The following CCDC28B variants were observed in gnomAD, a reference collection of about 807,000 sequenced individuals.
CCDC28B encodes the protein coiled-coil domain containing 28B.
A neutral mutation model predicts 18.7 loss-of-function variants in CCDC28B; 17 were observed. The ratio of observed to expected loss-of-function variants is 0.91; its 90% CI spans 0.62 to 1.36. CCDC28B has a LOEUF of 1.36. Ranked by LOEUF, CCDC28B falls within the 40% of genes most tolerant of loss-of-function variation. CCDC28B has a pLI of 0.00. For missense variants in CCDC28B, 213 were observed against 251.7 expected (o/e 0.85, Z 1.04); for synonymous variants, 116 against 105.1 (o/e 1.10, Z -0.64).
chr1:32,201,138 G>A (rs1643139572), intron 1 of CCDC28B, among the ~76,000 whole-genome samples: 1 of 152,010 alleles, frequency 6.6e-6, no homozygotes, highest in Non-Finnish European at 1.5e-5. Context: ...GGGGGGCGCT[G>A]CTGGACCGGG....
At chr1:32,201,326 T>C (rs1312653057) in intron 1 of CCDC28B, among the ~76,000 whole-genome samples, 9 of 152,070 alleles carry the variant, frequency 5.9e-5, no homozygotes, top group Non-Finnish European at 1.0e-4. Context: ...ATATTTTCGG[T>C]TGGGGGTGGG....
chr1:32,205,157 G>T lies in CCDC28B; in HGVS notation c.549-37G>T. The T allele has an allele frequency of 6.2e-7, 1 of 1,611,502 alleles. No individual in the cohort carries two copies. The highest frequency in any genetic ancestry group is 8.5e-7 in the Non-Finnish European group (1 of 1,178,454). On this transcript the variant is annotated intron_variant, in intron 5 of 5. Transcript: ENST00000373602. The surrounding 1 kb of genome is among the most constrained non-coding windows in gnomAD (Gnocchi z 5.6). Reference sequence around the variant, plus strand: ...GATGGGAGACCGGGGTGGGAGGAAGGACTGGTCCAAAGCGCCACGATCCTT... The same window carrying T: ...GATGGGAGACCGGGGTGGGAGGAAGTACTGGTCCAAAGCGCCACGATCCTT...
rs776834401 is a variant in CCDC28B, at chr1:32,204,813, T to C, written c.548+193T>C. 42 of 1,576,812 alleles carry C rather than the reference T, an allele frequency of 2.7e-5. No individual in the cohort carries two copies. The Middle Eastern group carries it at 5.0e-4, about 19-fold the overall frequency. On this transcript the variant is annotated intron_variant, in intron 5 of 5. Coordinates refer to ENST00000373602, the MANE Select transcript of CCDC28B (RefSeq NM_024296.5). ...CCCAAAATTAGAAGAAAAGTGGTTG[T>C]AGGGGATGTTTTACTACTGATCAAA...
intron 2 of CCDC28B, chr1:32,202,553 T>G (rs1643169341): frequency 5.7e-6 from 2 of 353,410 alleles, no homozygotes; most frequent in South Asian, 4.3e-5. Context: ...TGCCTTATAA[T>G]GTGTCCATGT....
chr1:32,203,831 C>T (rs373803490), intron 2 of CCDC28B, 48 bp from the exon 3 acceptor site: 2 of 1,437,124 alleles, frequency 1.4e-6, no homozygotes, highest in Non-Finnish European at 1.8e-6. Context: ...TCGGGAGGTG[C>T]CTGACTGCCC....
At chr1:32,202,163 G>C in intron 2 of CCDC28B, 64 bp downstream of exon 2, 1 of 1,595,044 alleles carries the variant, frequency 6.3e-7, no homozygotes, top group South Asian at 1.1e-5. Flanking sequence ...TAGAGAGGAA[G>C]GCAAGGGGGG....
At position 32,203,957 on chromosome 1, in the gene CCDC28B, C is replaced by T; in HGVS notation, c.243C>T (p.Phe81=). 6.3e-7 allele frequency: 1 copy of T among 1,581,374 alleles called. No homozygotes were observed. Among genetic ancestry groups the T allele is most frequent in the Non-Finnish European group, 8.6e-7 (1 of 1,163,880 alleles). ...CAGGCACGCCCCTGCAGCACTCCTT[C>T]CTGACCGAGGTGACTGATGTCTATG... is the stretch of plus-strand genomic sequence containing the variant. ...GSAGTPLQHS[F]LTEVTDVYEM... The change falls in exon 3 of 6, where the codon TTC becomes TTT. Residue 81 remains phenylalanine, a synonymous_variant. Coordinates refer to ENST00000373602, the MANE Select transcript of CCDC28B (RefSeq NM_024296.5).
At chr1:32,201,591 A>G in intron 1 of CCDC28B, 1 of 212,414 alleles carries the variant, frequency 4.7e-6, no homozygotes, top group Non-Finnish European at 9.3e-6. Context: ...GTCTCCCACT[A>G]CATTTCCTCT....
In CCDC28B at chr1:32,204,352, C is replaced by T. The variant is rs145605786; in HGVS notation, c.498C>T (p.Asp166=). 1.9e-5 allele frequency: 31 copies of T among 1,593,570 alleles called. No homozygotes were observed. The highest frequency in any genetic ancestry group is 2.6e-5 in the Non-Finnish European group (30 of 1,169,500). ...AGGAGCAGAAGAAGACAATGGCTGA[C>T]CGTAACCTGGACCAGCTGCTTAGCA... ...LPEEQKKTMA[D]RNLDQLLSNL... Residue 166 remains aspartate (D), a synonymous_variant, in exon 4 of 6, where the codon GAC becomes GAT. Transcript: ENST00000373602.
upstream of CCDC28B, among the ~76,000 whole-genome samples, chr1:32,198,964 C>A (rs1643086809): frequency 6.6e-6 from 1 of 152,194 alleles, no homozygotes; most frequent in Non-Finnish European, 1.5e-5. Context: ...TGGGTCTGAG[C>A]TGTGGGTAGG....
upstream of CCDC28B, among the ~76,000 whole-genome samples, chr1:32,198,586 A>G (rs1347906962): frequency 6.6e-6 from 1 of 152,226 alleles, no homozygotes; most frequent in Non-Finnish European, 1.5e-5. Flanking sequence ...GGGAAAAGGT[A>G]CTTTTAGCTA....
chr1:32,199,500 A>G (rs1643101462), upstream of CCDC28B, among the ~76,000 whole-genome samples: 1 of 152,126 alleles, frequency 6.6e-6, no homozygotes, highest in African/African-American at 2.4e-5. Flanking sequence ...CAGCATTACC[A>G]CTGTCTACTC....
chr1:32,196,620 A>G (rs1004352661), upstream of CCDC28B: 1 of 152,274 alleles, frequency 6.6e-6, no homozygotes, highest in African/African-American at 2.4e-5. Context: ...CAAACTTGCC[A>G]GGGTATTAGC....
Position 32,203,933 on chromosome 1 carries a change from A to C in CCDC28B, c.219A>C (p.Ala73=), listed in dbSNP as rs202075564. Residue 73 remains alanine (A), a synonymous_variant, in exon 3 of 6, where the codon GCA becomes GCC. Coordinates refer to ENST00000373602, the MANE Select transcript of CCDC28B (RefSeq NM_024296.5). The stretch of plus-strand genomic sequence containing the variant: ...TGGCTGGAGGTGGAAGCGGCTCTGC[A>C]GGCACGCCCCTGCAGCACTCCTTCC... The part of the protein sequence containing the change: ...PVLAGGGSGS[A]GTPLQHSFLT... The C allele has an allele frequency of 1.3e-6, 2 of 1,559,350 alleles. No individual in the cohort carries two copies. Among genetic ancestry groups the C allele is most frequent in the East Asian group, 2.3e-5 (1 of 43,802 alleles).
In CCDC28B at chr1:32,200,698, C is replaced by T. The variant is rs1383747491; in HGVS notation, c.-35C>T. ...TTGCACCGAAGCATCACTCGAGACC[C>T]CAAACCTCCAGGTCAGTAGCCCCCT... is the stretch of plus-strand genomic sequence containing the variant. On this transcript the variant is annotated 5_prime_UTR_variant, in exon 1 of 6. Coordinates refer to ENST00000373602, the MANE Select transcript of CCDC28B (RefSeq NM_024296.5). 6.6e-6 allele frequency: 1 copy of T among 152,222 alleles called. No homozygotes were observed. The highest frequency in any genetic ancestry group is 1.5e-5 in the Non-Finnish European group (1 of 68,060). 9.4% of individuals were successfully genotyped at this position (152,222 alleles called of 1,614,324 possible).
upstream of CCDC28B, chr1:32,198,037 C>G (rs1044059265): frequency 6.6e-6 from 1 of 152,422 alleles, no homozygotes; most frequent in Admixed American, 6.5e-5. Flanking sequence ...GCTGCCCCAG[C>G]CTTTCCGCCT....
intron 2 of CCDC28B, chr1:32,202,567 T>A: frequency 2.9e-6 from 1 of 341,964 alleles, no homozygotes; most frequent in Non-Finnish European, 5.8e-6. Context: ...TCCATGTTTG[T>A]TCCCCACTAA....
upstream of CCDC28B, among the ~76,000 whole-genome samples, chr1:32,200,129 T>C (rs971581043): frequency 8.5e-5 from 13 of 152,344 alleles, no homozygotes; most frequent in Non-Finnish European, 1.6e-4. Flanking sequence ...AGAGGGGTTT[T>C]GCCCTCAAAA....
At chr1:32,204,646 T>C in intron 5 of CCDC28B, 26 bp downstream of exon 5, 1 of 1,609,802 alleles carries the variant, frequency 6.2e-7, no homozygotes, top group Non-Finnish European at 8.5e-7. Context: ...AACCCGTCTA[T>C]GTGTGTGTGT....
Sources: allele counts gnomAD v4.1 joint callset (sites outside exome capture counted in the v4.1 genomes callset), GRCh38; gene constraint gnomAD v4.1.1; non-coding constraint Gnocchi (gnomAD v3.1); transcripts MANE v1.5; gene names NCBI Gene and HGNC (gene_info 2026-07-23, HGNC 2026-07-21).